DENND2B: variants seen among roughly 807,000 people sequenced by gnomAD.
The protein encoded by DENND2B is DENN domain containing 2B.
In DENND2B, 32 loss-of-function variants were observed where a neutral mutation model predicts 116.0. The ratio of observed to expected loss-of-function variants is 0.28; its 90% CI spans 0.21 to 0.37. The LOEUF is 0.37. Ranked by LOEUF, DENND2B falls within the 10% of genes least tolerant of loss-of-function variation. The pLI is 1.00. For missense variants in DENND2B, 1,276 were observed against 1,477.7 expected (o/e 0.86, Z 2.24); for synonymous variants, 588 against 583.9 (o/e 1.01, Z -0.10).
chr11:8,706,813 T>C (rs1449287756), intron 13 of DENND2B, among the ~76,000 whole-genome samples: 1 of 152,164 alleles, frequency 6.6e-6, no homozygotes. Context: ...TGGCACACAT[T>C]CAGTAACTGT....
intron 1 of DENND2B, among the ~76,000 whole-genome samples, chr11:8,893,150 A>G (rs2064055345): frequency 6.6e-6 from 1 of 152,246 alleles, no homozygotes; most frequent in Non-Finnish European, 1.5e-5. Flanking sequence ...CAAAAACCAC[A>G]TGACTATCTC....
intron 4 of DENND2B, among the ~76,000 whole-genome samples, chr11:8,829,581 G>T (rs1194871267): frequency 4.6e-5 from 7 of 152,106 alleles, no homozygotes; most frequent in Non-Finnish European, 1.0e-4. Flanking sequence ...CCATTGATAT[G>T]GTCTGAATGC....
Position 8,834,685 on chromosome 11 carries a change from CAG to C in DENND2B, c.-115+4623_-115+4624del, listed in dbSNP as rs1265422559. 6.6e-5 allele frequency among the ~76,000 whole-genome samples: 10 copies of C among 152,306 alleles called. No homozygotes were observed. In the East Asian group the frequency reaches 1.4e-3, roughly 21 times the overall value. The stretch of plus-strand genomic sequence containing the variant: ...TTTCTTCCTCTTCATGCAATGGGAA[CAG>C]AGTCAGTCTCTTCTAGAGCAACTTC... On this transcript the variant is annotated intron_variant, in intron 4 of 6. Transcript: ENST00000524757.
intron 2 of DENND2B, among the ~76,000 whole-genome samples, chr11:8,858,717 G>C (rs534950935): frequency 4.6e-5 from 7 of 152,320 alleles, no homozygotes; most frequent in Non-Finnish European, 7.3e-5. Flanking sequence ...AGAGGAGCCA[G>C]GACCAGCTGA....
Position 8,718,102 on chromosome 11 carries a change from C to CCACCCCCT in DENND2B, c.1478-211_1478-210insAGGGGGTG. The CCACCCCCT allele has an allele frequency of 1.4e-5, 4 of 275,928 alleles. 1 individual carries two copies. The South Asian group carries it at 1.7e-4, about 12-fold the overall frequency. 17.1% of individuals were successfully genotyped at this position (275,928 alleles called of 1,614,324 possible). A position where few individuals can be genotyped will look rare whatever the true frequency, so the allele number is the denominator to read the frequency against. On this transcript the variant is annotated intron_variant, in intron 4 of 19. Coordinates refer to ENST00000313726, the MANE Select transcript of DENND2B (RefSeq NM_213618.2). ...CAAGTCCAGAAGCAGACCCACCCCCCCACCCCCCCCAACCCCCCACCCCCA... is the reference window on the plus strand; with the variant it reads ...CAAGTCCAGAAGCAGACCCACCCCCCCACCCCCTCACCCCCCCCAACCCCCCACCCCCA...
At chr11:8,837,139 A>G (rs1351005474) in intron 4 of DENND2B, among the ~76,000 whole-genome samples, 2 of 152,198 alleles carry the variant, frequency 1.3e-5, no homozygotes, top group African/African-American at 4.8e-5. Context: ...TTTAACTGGA[A>G]CAAAAAAAAA....
chr11:8,883,772 T>C (rs894147975), intron 1 of DENND2B, among the ~76,000 whole-genome samples: 2 of 152,210 alleles, frequency 1.3e-5, no homozygotes, highest in Non-Finnish European at 2.9e-5. Flanking sequence ...ATGAGCACTT[T>C]AAAAAGGGAG....
intron 1 of DENND2B, chr11:8,785,391 G>A (rs2058807433): frequency 6.6e-6 from 1 of 152,186 alleles, no homozygotes; most frequent in Non-Finnish European, 1.5e-5. Context: ...ACTCTTCTGT[G>A]GCTGAAATTC....
At chr11:8,710,786 CACACACA>C (rs2043496702) in intron 11 of DENND2B, 52 bp downstream of exon 11, 26 of 1,485,908 alleles carry the variant, frequency 1.7e-5, no homozygotes, top group Non-Finnish European at 2.1e-5. Context: ...CACACACACA[CACACACA>C]CCCTGGCCTA....
intron 13 of DENND2B, among the ~76,000 whole-genome samples, chr11:8,705,937 A>G (rs997122349): frequency 1.3e-5 from 2 of 152,228 alleles, no homozygotes; most frequent in Admixed American, 6.5e-5. Context: ...CATGGCAGCC[A>G]CAGTGGGCTT....
At chr11:8,710,693 G>T in intron 11 of DENND2B, 152 bp downstream of exon 11, 1 of 774,010 alleles carries the variant, frequency 1.3e-6, no homozygotes, top group Non-Finnish European at 2.1e-6. Flanking sequence ...TTGGCAGGGG[G>T]TTCGGGGTGG....
At chr11:8,805,947 T>C (rs944523589) in intron 1 of DENND2B, among the ~76,000 whole-genome samples, 7 of 152,092 alleles carry the variant, frequency 4.6e-5, no homozygotes, top group African/African-American at 1.7e-4. Context: ...ACAGAGGTGT[T>C]AACCCTAATG....
chr11:8,822,924 T>TG (rs2061821243), intron 4 of DENND2B, among the ~76,000 whole-genome samples: 1 of 152,188 alleles, frequency 6.6e-6, no homozygotes, highest in Non-Finnish European at 1.5e-5. Flanking sequence ...ATATAAAAAG[T>TG]GGCAAGGACT....
At chr11:8,782,368 G>A (rs960679110) in intron 1 of DENND2B, among the ~76,000 whole-genome samples, 12 of 152,100 alleles carry the variant, frequency 7.9e-5, no homozygotes, top group Non-Finnish European at 1.3e-4. Flanking sequence ...GCTTTTATCA[G>A]TATCAGGAGG....
At chr11:8,724,435 G>C (rs984442165) in intron 4 of DENND2B, among the ~76,000 whole-genome samples, 1 of 152,190 alleles carries the variant, frequency 6.6e-6, no homozygotes, top group East Asian at 1.9e-4. Context: ...GGGACATAGA[G>C]AGGGAGCCAG....
intron 1 of DENND2B, chr11:8,810,070 A>G (rs1243127018): frequency 9.2e-6 from 1 of 108,978 alleles, no homozygotes; most frequent in Non-Finnish European, 1.9e-5. Context: ...TTTTTTTTCC[A>G]TTACAGGTCA....
At chr11:8,748,029 C>T (rs1165028523) in intron 2 of DENND2B, among the ~76,000 whole-genome samples, 1 of 152,012 alleles carries the variant, frequency 6.6e-6, no homozygotes, top group Non-Finnish European at 1.5e-5. Flanking sequence ...TTTTCCTTGA[C>T]CAGACCTCCC....
intron 4 of DENND2B, among the ~76,000 whole-genome samples, chr11:8,724,263 T>C (rs2046700500): frequency 6.7e-6 from 1 of 150,330 alleles, no homozygotes; most frequent in African/African-American, 2.5e-5. Context: ...ACCACTGCAC[T>C]CCAGCCTGGG....
intron 2 of DENND2B, among the ~76,000 whole-genome samples, chr11:8,869,492 T>C (rs2063700641): frequency 6.6e-6 from 1 of 151,896 alleles, no homozygotes; most frequent in Non-Finnish European, 1.5e-5. Context: ...GGGAACCCCA[T>C]CTCTACTAAA....
Sources: allele counts gnomAD v4.1 joint callset (sites outside exome capture counted in the v4.1 genomes callset), GRCh38; gene constraint gnomAD v4.1.1; transcripts MANE v1.5; gene names NCBI Gene and HGNC (gene_info 2026-07-23, HGNC 2026-07-21).